The following SS18L1 variants were observed in gnomAD, a reference collection of about 807,000 sequenced individuals.
SS18L1 encodes SS18L1 subunit of BAF chromatin remodeling complex, also known as calcium-responsive transactivator.
Under a neutral mutation model 70.3 loss-of-function variants are expected in SS18L1, and 32 were observed. The observed-to-expected ratio is 0.46, with a 90% confidence interval of 0.34 to 0.61. SS18L1 has a LOEUF of 0.61. Ranked by LOEUF, SS18L1 falls within the 20% of genes least tolerant of loss-of-function variation. SS18L1 has a pLI of 0.01. For missense variants in SS18L1, 430 were observed against 542.1 expected (o/e 0.79, Z 2.05); for synonymous variants, 237 against 229.7 (o/e 1.03, Z -0.29).
At chr20:62,169,065 G>A (rs1244053808) in intron 8 of SS18L1, among the ~76,000 whole-genome samples, 1 of 152,198 alleles carries the variant, frequency 6.6e-6, no homozygotes, top group Non-Finnish European at 1.5e-5. Context: ...GTGCTCGGTG[G>A]GGGAGGGGCC....
In SS18L1 at chr20:62,172,732, C is replaced by T; in HGVS notation, c.967C>T (p.Gln323Ter). The change falls in exon 9 of 11, where the codon CAG becomes TAG. Residue 323 changes from glutamine (Q) to a stop codon, truncating the protein, a stop_gained. Transcript: ENST00000331758. LOFTEE classifies it high-confidence loss of function. ...GGCCGGGTACCAGCAGGGTGCCGCG[C>T]AGCAGCAGACGTACTCCCAGCAGCA... The part of the protein sequence containing the change: ...QQAGYQQGAA[Q>*]QQTYSQQQYP... The T allele has an allele frequency of 6.2e-7, 1 of 1,614,046 alleles. No homozygotes were observed. The highest frequency in any genetic ancestry group is 8.5e-7 in the Non-Finnish European group (1 of 1,180,022).
At chr20:62,148,616 C>T (rs576093885) in intron 1 of SS18L1, among the ~76,000 whole-genome samples, 1 of 151,780 alleles carries the variant, frequency 6.6e-6, no homozygotes, top group African/African-American at 2.4e-5. Flanking sequence ...GAGGGAGGCT[C>T]GGCCTCCTTG....
chr20:62,164,069 TTCCCCAG>T, intron 6 of SS18L1, 69 bp from the exon 7 acceptor site: 1 of 1,386,202 alleles, frequency 7.2e-7, no homozygotes, highest in East Asian at 2.5e-5. Flanking sequence ...AGGCCTTGGC[TTCCCCAG>T]TGAGCGAGCA....
intron 1 of SS18L1, among the ~76,000 whole-genome samples, chr20:62,149,530 T>C (rs73307269): frequency 0.058 from 8,887 of 152,298 alleles, 337 homozygotes; most frequent in African/African-American, 0.092. Flanking sequence ...ATGGGGGCCA[T>C]GGAGCTGCAG....
rs1314001074 is a variant in SS18L1, at chr20:62,161,130, G to T, written c.232-306G>T. ...GGACGGGGTGCGTTCAGCCTGGTGG[G>T]CCGGGAAAGGGGTTCCCTGCTGTCC... On this transcript the variant is annotated intron_variant, in intron 3 of 10. Transcript: ENST00000331758. The surrounding 1 kb of genome is among the most constrained non-coding windows in gnomAD (Gnocchi z 4.4). Among the ~76,000 whole-genome samples, 1 of 151,634 alleles carries T rather than the reference G, an allele frequency of 6.6e-6. No individual in the cohort carries two copies.
rs1383381848 is a variant in SS18L1 at position 62,159,823 on chromosome 20, G to A, written c.147-54G>A. On this transcript the variant is annotated intron_variant, in intron 2 of 10. Transcript: ENST00000331758. This position sits in a 1 kb window ranked among gnomAD's most constrained non-coding sequence, Gnocchi z 4.4. The stretch of plus-strand genomic sequence containing the variant: ...CACTTTACTTCTGCCTTGGATCCAC[G>A]TGGGGACTCTGTGGTCCCGTCGTCC... 7.0e-6 allele frequency: 11 copies of A among 1,564,322 alleles called. No individual in the cohort carries two copies. The African/African-American group carries it at 8.1e-5, about 12-fold the overall frequency.
rs1463368951 is a variant in SS18L1, at chr20:62,161,053, G to A, written c.232-383G>A. On this transcript the variant is annotated intron_variant, in intron 3 of 10. Transcript: ENST00000331758. This position sits in a 1 kb window ranked among gnomAD's most constrained non-coding sequence, Gnocchi z 4.4. The stretch of plus-strand genomic sequence containing the variant: ...CCACCTCTGCCGAAGCTCTTGGCAC[G>A]GAGGGGTCGTGGTTGGGGAGCACAG... Among the ~76,000 whole-genome samples the A allele has an allele frequency of 2.0e-5, 3 of 151,906 alleles. No individual in the cohort carries two copies. Among genetic ancestry groups the A allele is most frequent in the Admixed American group, 6.6e-5 (1 of 15,246 alleles).
intron 1 of SS18L1, among the ~76,000 whole-genome samples, chr20:62,155,124 C>T (rs546084110): frequency 1.4e-4 from 22 of 152,200 alleles, no homozygotes; most frequent in African/African-American, 5.1e-4. Flanking sequence ...AGTTTCAGGC[C>T]GGGTGCAATG....
At chr20:62,177,254 G>A (rs1236740375) in intron 10 of SS18L1, among the ~76,000 whole-genome samples, 1 of 151,924 alleles carries the variant, frequency 6.6e-6, no homozygotes, top group Non-Finnish European at 1.5e-5. Context: ...TTCCAGCATG[G>A]GCAACAAGAG....
In SS18L1 at chr20:62,181,633, T is replaced by G. The variant is rs1303026904; in HGVS notation, c.*2425T>G. ...TTTGCAAAATAGTTTGTACATTTAT[T>G]TCCTAATTTATACATGATTTTTGGT... On this transcript the variant is annotated 3_prime_UTR_variant, in exon 11 of 11. Coordinates refer to ENST00000331758, the MANE Select transcript of SS18L1 (RefSeq NM_198935.3). 2 of 213,840 alleles carry G rather than the reference T, an allele frequency of 9.4e-6. No homozygotes were observed. Among genetic ancestry groups the G allele is most frequent in the African/African-American group, 4.5e-5 (2 of 44,274 alleles). 13.2% of individuals were successfully genotyped at this position (213,840 alleles called of 1,614,324 possible).
chr20:62,178,655 C>T (rs1488103456), intron 10 of SS18L1, among the ~76,000 whole-genome samples: 3 of 152,230 alleles, frequency 2.0e-5, no homozygotes, highest in Non-Finnish European at 2.9e-5. Flanking sequence ...TCAAGCGATC[C>T]TCCCACCTCA....
At position 62,161,563 on chromosome 20, in the gene SS18L1, A is replaced by G; in HGVS notation, c.359A>G (p.Gln120Arg). The change falls in exon 4 of 11, where the codon CAG becomes CGG. Residue 120 changes from glutamine to arginine, a missense_variant. By Grantham distance (43) the Gln-to-Arg change is conservative. Coordinates refer to ENST00000331758, the MANE Select transcript of SS18L1 (RefSeq NM_198935.3). The surrounding 1 kb of genome is among the most constrained non-coding windows in gnomAD (Gnocchi z 4.4). The stretch of plus-strand genomic sequence containing the variant: ...GGCCTGCCACCCTCCTCCCTCCTGC[A>G]GGGCCAGATTGGCAACGGTGAGTGC... ...STGLPPSSLLQGQIGNGPSHV... is the reference protein window; with the variant it reads ...STGLPPSSLLRGQIGNGPSHV... 1.2e-6 allele frequency: 2 copies of G among 1,609,540 alleles called. No individual in the cohort carries two copies. Among genetic ancestry groups the G allele is most frequent in the Non-Finnish European group, 1.7e-6 (2 of 1,177,328 alleles).
chr20:62,152,625 C>T (rs1001940673), intron 1 of SS18L1, among the ~76,000 whole-genome samples: 1 of 152,166 alleles, frequency 6.6e-6, no homozygotes, highest in South Asian at 2.1e-4. Context: ...TACAGAAGAT[C>T]TAGAACGCTC....
intron 8 of SS18L1, 47 bp from the exon 9 acceptor site, chr20:62,172,635 T>C: frequency 6.2e-7 from 1 of 1,613,436 alleles, no homozygotes; most frequent in Non-Finnish European, 8.5e-7. Context: ...ATGAGCCCCC[T>C]TAGCCCAGGT....
chr20:62,158,527 C>T lies in SS18L1; in HGVS notation c.70-145C>T, dbSNP rs894106503. ...CCGGTGGGTCTAATACAGATATCCC[C>T]AAATCTGGAAAAATCTGAAATCTGA... is the stretch of plus-strand genomic sequence containing the variant. On this transcript the variant is annotated intron_variant, in intron 1 of 10. Coordinates refer to ENST00000331758, the MANE Select transcript of SS18L1 (RefSeq NM_198935.3). The surrounding 1 kb of genome is among the most constrained non-coding windows in gnomAD (Gnocchi z 4.5). 80 of 1,373,882 alleles carry T rather than the reference C, an allele frequency of 5.8e-5. 1 individual carries two copies. In the African/African-American group the frequency reaches 8.5e-4, roughly 15 times the overall value. The allele number at this position is 1,373,882 out of a possible 1,614,324, so 85.1% of individuals were successfully genotyped here.
rs115634416 is a variant in SS18L1, at chr20:62,158,746, G to A, written c.144G>A (p.Thr48=). 2.4e-4 allele frequency: 389 copies of A among 1,612,958 alleles called. No homozygotes were observed. The highest frequency in any genetic ancestry group is 3.2e-4 in the Non-Finnish European group (378 of 1,180,010). Residue 48 remains threonine (T), a splice_region_variant and synonymous_variant, in exon 2 of 11, where the codon ACG becomes ACA. Transcript: ENST00000331758. The surrounding 1 kb of genome is among the most constrained non-coding windows in gnomAD (Gnocchi z 4.5). ...YQSKGKTAEC[T]QYQQILHRNL... is the part of the protein sequence containing the mutation. ...GCAAGGGCAAGACGGCCGAGTGCAC[G>A]CAGTGAGTGCCCGCCATACACCGGA...
rs6061442 is a variant in SS18L1 at position 62,159,255 on chromosome 20, T to C, written c.146+507T>C. ...CCTGTGACCCTGTGAACCTAGGGCC[T>C]GATGCGTAGGAGGGGTGCGTGGCCA... On this transcript the variant is annotated intron_variant, in intron 2 of 10. Transcript: ENST00000331758. This position sits in a 1 kb window ranked among gnomAD's most constrained non-coding sequence, Gnocchi z 4.4. 0.037 allele frequency among the ~76,000 whole-genome samples: 5,598 copies of C among 152,162 alleles called. 304 individuals are homozygous for C. Among genetic ancestry groups the C allele is most frequent in the African/African-American group, 0.12 (5,043 of 41,486 alleles).
Position 62,161,645 on chromosome 20 carries a change from C to T in SS18L1, c.376+65C>T, listed in dbSNP as rs1027611066. 31 of 1,553,526 alleles carry T rather than the reference C, an allele frequency of 2.0e-5. No homozygotes were observed. Among genetic ancestry groups the T allele is most frequent in the Middle Eastern group, 2.1e-4 (1 of 4,716 alleles). ...GCCACCAAGGCAGCCCTTGGGCAGCCGGCTGCCATGGTGGGGCACCCCACC... is the reference window on the plus strand; with the variant it reads ...GCCACCAAGGCAGCCCTTGGGCAGCTGGCTGCCATGGTGGGGCACCCCACC... On this transcript the variant is annotated intron_variant, in intron 4 of 10. Coordinates refer to ENST00000331758, the MANE Select transcript of SS18L1 (RefSeq NM_198935.3). This position sits in a 1 kb window ranked among gnomAD's most constrained non-coding sequence, Gnocchi z 4.4.
At position 62,174,569 on chromosome 20, in the gene SS18L1, C is replaced by T. The variant is rs267606040; in HGVS notation, c.1089C>T (p.Gly363=). 1 of 1,613,990 alleles carries T rather than the reference C, an allele frequency of 6.2e-7. No individual in the cohort carries two copies. Among genetic ancestry groups the T allele is most frequent in the Non-Finnish European group, 8.5e-7 (1 of 1,180,044 alleles). Residue 363 remains glycine (G), a synonymous_variant, in exon 10 of 11, where the codon GGC becomes GGT. Transcript: ENST00000331758. The surrounding 1 kb of genome is among the most constrained non-coding windows in gnomAD (Gnocchi z 4.1). ...ACCCCGGCTACCAGCAAGGCCAAGG[C>T]CAGCAGTACGGAAGCTACCGAGCAC... ...SQYPGYQQGQ[G]QQYGSYRAPQ... is the part of the protein sequence containing the mutation.
Sources: gnomAD v4.1 joint callset for allele counts (sites outside exome capture counted in the v4.1 genomes callset) on GRCh38, gnomAD v4.1.1 for gene constraint, Gnocchi (gnomAD v3.1) non-coding constraint, MANE v1.5 for transcripts, NCBI Gene and HGNC (gene_info 2026-07-23, HGNC 2026-07-21) for gene names.